ZNF503: variants seen among roughly 807,000 people sequenced by gnomAD.
The protein encoded by ZNF503 is NocA-like zinc finger 2.
Under a neutral mutation model 34.4 loss-of-function variants are expected in ZNF503, and 15 were observed. The ratio of observed to expected loss-of-function variants is 0.44; its 90% confidence interval spans 0.29 to 0.67. ZNF503 has a LOEUF of 0.67. Among genes scored for constraint, ZNF503 ranks in the 30% least tolerant of loss-of-function variants. The probability of loss-of-function intolerance (pLI) is 0.13; values close to 1 mark genes in which losing one functional copy is unlikely to be tolerated. For synonymous variants in ZNF503, 580 were observed against 456.8 expected, an observed-to-expected ratio of 1.27 and a Z score of -3.44; for missense variants, 1,007 against 926.8, an observed-to-expected ratio of 1.09 and a Z score of -1.12.
At chr10:75,306,787 G>A in the ZNF503 span, among the ~76,000 whole-genome samples, 3 of 151,992 alleles carry the variant, frequency 2.0e-5, no homozygotes, top group African/African-American at 7.3e-5. Context: ...CTGTTATGGC[G>A]ATCTGTGATC....
At chr10:75,354,711 T>TAAAAC in the ZNF503 span, among the ~76,000 whole-genome samples, 3 of 152,078 alleles carry the variant, frequency 2.0e-5, no homozygotes, top group Non-Finnish European at 4.4e-5. Flanking sequence ...CCCTGTCTCT[T>TAAAAC]AAAACAAAAC....
At chr10:75,281,745 C>T in the ZNF503 span, among the ~76,000 whole-genome samples, 1 of 152,240 alleles carries the variant, frequency 6.6e-6, no homozygotes, top group Non-Finnish European at 1.5e-5. Context: ...GGAGCTTACA[C>T]ATGGGGGAGT....
chr10:75,350,579 G>T, the ZNF503 span: 1 of 152,134 alleles, frequency 6.6e-6, no homozygotes, highest in Non-Finnish European at 1.5e-5. Context: ...TTTGAGACAG[G>T]TACTCTGTCG....
the ZNF503 span, among the ~76,000 whole-genome samples, chr10:75,389,140 A>G: frequency 6.6e-6 from 1 of 152,216 alleles, no homozygotes; most frequent in Non-Finnish European, 1.5e-5. Context: ...TGTAAAGTGT[A>G]TGAAAGAAAA....
the ZNF503 span, among the ~76,000 whole-genome samples, chr10:75,306,574 A>C: frequency 6.6e-6 from 1 of 152,144 alleles, no homozygotes; most frequent in African/African-American, 2.4e-5. Context: ...GTGTATAGGC[A>C]TACCTCATTT....
chr10:75,401,444 G>C lies in ZNF503; in HGVS notation c.-25C>G. Reference sequence around the variant, plus strand: ...TGACCCACCCGCGCGCATGGGAGCAGCGGGGGGGAGGGCTCCGGGAGGCGC... The same window carrying C: ...TGACCCACCCGCGCGCATGGGAGCACCGGGGGGGAGGGCTCCGGGAGGCGC... On this transcript the variant is annotated 5_prime_UTR_variant, in exon 1 of 2. Coordinates refer to ENST00000372524, the MANE Select transcript of ZNF503 (RefSeq NM_032772.6). The C allele has an allele frequency of 1.3e-6, 2 of 1,524,748 alleles. No homozygotes were observed. The highest frequency in any genetic ancestry group is 2.8e-5 in the African/African-American group (2 of 71,018). The allele number at this position is 1,524,748 out of a possible 1,614,324, so 94.5% of individuals were successfully genotyped here.
the ZNF503 span, among the ~76,000 whole-genome samples, chr10:75,313,034 A>G: frequency 1.3e-5 from 2 of 152,206 alleles, no homozygotes; most frequent in African/African-American, 4.8e-5. Context: ...GCCCTCTGCC[A>G]TGATTGTTAG....
At chr10:75,390,360 T>G in the ZNF503 span, among the ~76,000 whole-genome samples, 2 of 151,422 alleles carry the variant, frequency 1.3e-5, no homozygotes, top group Non-Finnish European at 3.0e-5. Flanking sequence ...CTTCACTTCC[T>G]TGTTCTTCCT....
chr10:75,332,508 G>T, the ZNF503 span, among the ~76,000 whole-genome samples: 4 of 134,856 alleles, frequency 3.0e-5, no homozygotes, highest in East Asian at 2.1e-4. Context: ...GATAATTCTT[G>T]GGTGTTTCTC....
At chr10:75,286,409 T>G in the ZNF503 span, among the ~76,000 whole-genome samples, 1 of 152,232 alleles carries the variant, frequency 6.6e-6, no homozygotes, top group Non-Finnish European at 1.5e-5. Flanking sequence ...TGGGTCTGTG[T>G]GTGGAGCCCA....
chr10:75,339,609 G>A, the ZNF503 span, among the ~76,000 whole-genome samples: 1 of 152,186 alleles, frequency 6.6e-6, no homozygotes, highest in South Asian at 2.1e-4. Context: ...CCAGTGATAG[G>A]TGCCTATTCT....
At chr10:75,395,000 T>A (rs1589131796), downstream of ZNF503, among the ~76,000 whole-genome samples, 1 of 152,224 alleles carries the variant, frequency 6.6e-6, no homozygotes, top group Non-Finnish European at 1.5e-5. Context: ...CTGGGCCTTA[T>A]CCGCCAGCCC....
the ZNF503 span, among the ~76,000 whole-genome samples, chr10:75,311,809 T>A: frequency 6.6e-6 from 1 of 151,546 alleles, no homozygotes; most frequent in East Asian, 2.0e-4. Flanking sequence ...TGAGAACAGA[T>A]TAATACAGTT....
chr10:75,397,484 C>A (rs1843714764), downstream of ZNF503, among the ~76,000 whole-genome samples: 1 of 152,306 alleles, frequency 6.6e-6, no homozygotes, highest in South Asian at 2.1e-4. Flanking sequence ...AACCCAAATG[C>A]CCAAAAAGCT....
the ZNF503 span, among the ~76,000 whole-genome samples, chr10:75,365,436 G>C: frequency 6.6e-6 from 1 of 152,200 alleles, no homozygotes; most frequent in Non-Finnish European, 1.5e-5. Context: ...GTGAGCCACC[G>C]TGCCCGGCCC....
the ZNF503 span, among the ~76,000 whole-genome samples, chr10:75,350,846 G>A: frequency 6.6e-5 from 10 of 152,052 alleles, no homozygotes; most frequent in Non-Finnish European, 1.3e-4. Context: ...GAGCCACCGC[G>A]TCCAGCCTGG....
At chr10:75,311,704 G>A in the ZNF503 span, among the ~76,000 whole-genome samples, 2,502 of 149,758 alleles carry the variant, frequency 0.017, 64 homozygotes, top group African/African-American at 0.059. Context: ...AAGTGGTGGT[G>A]CACACCTCCC....
chr10:75,359,924 C>T, the ZNF503 span, among the ~76,000 whole-genome samples: 1 of 152,062 alleles, frequency 6.6e-6, no homozygotes, highest in Non-Finnish European at 1.5e-5. Context: ...CAGCCTCTGA[C>T]TTCAGGCCCC....
chr10:75,343,978 G>A, the ZNF503 span, among the ~76,000 whole-genome samples: 1 of 152,240 alleles, frequency 6.6e-6, no homozygotes, highest in African/African-American at 2.4e-5. Flanking sequence ...GTGGTGGCAG[G>A]TCTGATTGTG....
Sources: gnomAD v4.1 joint callset for allele counts (sites outside exome capture counted in the v4.1 genomes callset) on GRCh38, gnomAD v4.1.1 for gene constraint, MANE v1.5 for transcripts, NCBI Gene and HGNC (gene_info 2026-07-23, HGNC 2026-07-21) for gene names.